The following TRPC5 variants were observed in gnomAD, a reference collection of about 807,000 sequenced individuals.
TRPC5 encodes transient receptor potential cation channel subfamily C member 5, also known as short transient receptor potential channel 5.
TRPC5 carries 9 observed loss-of-function variants against 56.5 expected under a neutral mutation model. The observed-to-expected ratio is 0.16, with a 90% CI of 0.10 to 0.28. The LOEUF is 0.28. Among genes scored for constraint, TRPC5 ranks in the 10% least tolerant of loss-of-function variants. The pLI is 1.00. For synonymous variants in TRPC5, 282 were observed against 278.5 expected (o/e 1.01, Z -0.13); for missense variants, 469 against 748.9 (o/e 0.63, Z 4.36).
At chrX:111,958,431 T>G (rs1927291301) in intron 1 of TRPC5, among the ~76,000 whole-genome samples, 1 of 112,260 alleles carries the variant, frequency 8.9e-6, no homozygotes, top group African/African-American at 3.2e-5. Flanking sequence ...ACCTCATCAG[T>G]CATGTTCACT....
chrX:111,813,233 C>T (rs1196229633), intron 7 of TRPC5, among the ~76,000 whole-genome samples: 3 of 112,267 alleles, frequency 2.7e-5, no homozygotes, highest in East Asian at 2.8e-4. Flanking sequence ...GACTTTTGTG[C>T]GGCTATAATG....
chrX:112,041,722 C>T (rs1332684827), intron 1 of TRPC5, among the ~76,000 whole-genome samples: 6 of 112,092 alleles, frequency 5.4e-5, no homozygotes, highest in African/African-American at 1.9e-4. Flanking sequence ...CCAACTGCTT[C>T]AGCTGGTAAA....
At chrX:111,858,437 G>A (rs1038614021) in intron 3 of TRPC5, among the ~76,000 whole-genome samples, 2 of 108,985 alleles carry the variant, frequency 1.8e-5, no homozygotes, top group East Asian at 2.9e-4. Context: ...AGGTCGGCTC[G>A]ACAGTCAACA....
At chrX:112,014,343 C>T (rs1397580325) in intron 1 of TRPC5, among the ~76,000 whole-genome samples, 1 of 112,344 alleles carries the variant, frequency 8.9e-6, no homozygotes, top group East Asian at 2.8e-4. Flanking sequence ...GACATTATGC[C>T]TTTTCATAGT....
intron 2 of TRPC5, among the ~76,000 whole-genome samples, chrX:111,914,477 G>A: frequency 8.9e-6 from 1 of 111,943 alleles, no homozygotes; most frequent in Non-Finnish European, 1.9e-5. Context: ...CACCTTGCAC[G>A]CAGGATTCTC....
At chrX:111,860,828 T>G (rs1394801962) in intron 3 of TRPC5, among the ~76,000 whole-genome samples, 3 of 112,240 alleles carry the variant, frequency 2.7e-5, no homozygotes, top group African/African-American at 9.7e-5. Context: ...TGTTTACCTC[T>G]TTTTTGGATG....
chrX:111,835,150 T>C, intron 6 of TRPC5, 34 bp from the exon 7 acceptor site: 4 of 1,099,358 alleles, frequency 3.6e-6, no homozygotes, highest in Non-Finnish European at 4.9e-6. Context: ...TAGTTAATTC[T>C]TTAAGAAGAG....
chrX:111,860,996 T>C (rs1268357839), intron 3 of TRPC5, among the ~76,000 whole-genome samples: 2 of 95,241 alleles, frequency 2.1e-5, no homozygotes, highest in East Asian at 5.5e-4. Context: ...TTTTTCTGTT[T>C]GTTTGTTTTG....
At chrX:112,060,660 C>T (rs1930439267) in intron 1 of TRPC5, among the ~76,000 whole-genome samples, 1 of 111,707 alleles carries the variant, frequency 9.0e-6, no homozygotes, top group Non-Finnish European at 1.9e-5. Flanking sequence ...GCACATGAAC[C>T]TATCATCACT....
At chrX:111,968,718 C>G (rs1244776978) in intron 1 of TRPC5, among the ~76,000 whole-genome samples, 3 of 104,227 alleles carry the variant, frequency 2.9e-5, no homozygotes, top group African/African-American at 1.1e-4. Context: ...AGCAAACTAT[C>G]GCAAGGACAA....
Position 111,776,498 on chromosome X carries a change from C to T in TRPC5, c.2737G>A (p.Ala913Thr). ...EVELGEVQGAAQSSECPLACS... is the reference protein window; with the variant it reads ...EVELGEVQGATQSSECPLACS... The stretch of plus-strand genomic sequence containing the variant: ...GCTAGAGGGCATTCACTGCTCTGAG[C>T]AGCGCCCTGGACTTCACCTAATTCT... Residue 913 changes from alanine (A) to threonine (T), a missense_variant, in exon 11 of 11, where the codon GCT becomes ACT. This residue lies in a region of TRPC5 where 194 missense variants were observed against 221.8 expected (regional missense o/e 0.87). Transcript: ENST00000262839. The T allele has an allele frequency of 8.3e-7, 1 of 1,210,624 alleles. No homozygotes were observed. The highest frequency in any genetic ancestry group is 1.1e-6 in the Non-Finnish European group (1 of 895,035).
At chrX:111,937,346 T>G (rs1306990030) in intron 2 of TRPC5, among the ~76,000 whole-genome samples, 1 of 101,968 alleles carries the variant, frequency 9.8e-6, no homozygotes, top group Non-Finnish European at 2.0e-5. Context: ...CTCTTTAGTT[T>G]AATTAGATCC....
At position 111,821,400 on chromosome X, in the gene TRPC5, G is replaced by A. The variant is rs191859296; in HGVS notation, c.1896+13521C>T. Among the ~76,000 whole-genome samples the A allele has an allele frequency of 7.9e-4, 88 of 111,567 alleles. 1 individual carries two copies. Among genetic ancestry groups the A allele is most frequent in the Non-Finnish European group, 1.3e-3 (70 of 53,151 alleles). ...TCTATTTCCTCTTTTAAAGAAAAGC[G>A]GATTTACCTTGACAGCTGAGATAAC... On this transcript the variant is annotated intron_variant, in intron 7 of 10. Coordinates refer to ENST00000262839, the MANE Select transcript of TRPC5 (RefSeq NM_012471.3).
chrX:111,774,527 C>T lies in TRPC5; in HGVS notation c.*1786G>A, dbSNP rs992742322. The T allele has an allele frequency of 9.0e-6, 1 of 111,298 alleles. No homozygotes were observed. The highest frequency in any genetic ancestry group is 3.3e-5 in the African/African-American group (1 of 30,623). The allele number at this position is 111,298 out of a possible 1,213,427, so 9.2% of individuals were successfully genotyped here. A position where few individuals can be genotyped will look rare whatever the true frequency, so the allele number is the denominator to read the frequency against. On this transcript the variant is annotated 3_prime_UTR_variant, in exon 11 of 11. Transcript: ENST00000262839. ...TCAGATATGATCAAGGAATTATTTT[C>T]GGACAACCTCTTGCCAAATGGGTCT...
chrX:112,004,361 G>A (rs1413024769), intron 1 of TRPC5, among the ~76,000 whole-genome samples: 1 of 112,216 alleles, frequency 8.9e-6, no homozygotes, highest in Admixed American at 9.5e-5. Context: ...GTGCTTGGAA[G>A]TAGGAGGGTG....
At position 112,082,288 on chromosome X, in the gene TRPC5, A is replaced by C. The variant is rs1451283470; in HGVS notation, c.-431T>G. 2 of 111,161 alleles carry C rather than the reference A, an allele frequency of 1.8e-5. No individual in the cohort carries two copies. The highest frequency in any genetic ancestry group is 5.7e-4 in the East Asian group (2 of 3,517). The allele number at this position is 111,161 out of a possible 1,213,427, so 9.2% of individuals were successfully genotyped here. On this transcript the variant is annotated 5_prime_UTR_variant, in exon 1 of 11. Coordinates refer to ENST00000262839, the MANE Select transcript of TRPC5 (RefSeq NM_012471.3). ...TTCACGCAGCCAGTCACACACAATAAGAGCTAGGGAAGAAACTGACACGGG... is the reference window on the plus strand; with the variant it reads ...TTCACGCAGCCAGTCACACACAATACGAGCTAGGGAAGAAACTGACACGGG...
At chrX:111,898,853 C>G (rs1478663590) in intron 3 of TRPC5, among the ~76,000 whole-genome samples, 1 of 109,836 alleles carries the variant, frequency 9.1e-6, no homozygotes, top group South Asian at 4.0e-4. Flanking sequence ...CAGAATGACA[C>G]GAAATCATTC....
At chrX:112,054,621 T>C (rs994715833) in intron 1 of TRPC5, among the ~76,000 whole-genome samples, 3 of 110,932 alleles carry the variant, frequency 2.7e-5, no homozygotes, top group African/African-American at 6.6e-5. Context: ...GAGAGGTGGG[T>C]ATAGAGATTG....
intron 3 of TRPC5, among the ~76,000 whole-genome samples, chrX:111,884,808 G>A (rs969749145): frequency 4.4e-5 from 5 of 112,872 alleles, no homozygotes; most frequent in African/African-American, 1.6e-4. Context: ...CATGGTTAAG[G>A]CCTATCTAGG....
Sources: gnomAD v4.1 joint callset for allele counts (sites outside exome capture counted in the v4.1 genomes callset) on GRCh38, gnomAD v4.1.1 for gene constraint, gnomAD v4.1.1 regional missense constraint, MANE v1.5 for transcripts, NCBI Gene and HGNC (gene_info 2026-07-23, HGNC 2026-07-21) for gene names.